The following ATP11B variants were observed in gnomAD, a reference collection of about 807,000 sequenced individuals.
The protein encoded by ATP11B is ATPase phospholipid transporting 11B (putative).
ATP11B carries 81 observed loss-of-function variants against 157.8 expected under a neutral mutation model. That is an observed-to-expected ratio of 0.51 (90% CI 0.43 to 0.62). The LOEUF (loss-of-function observed/expected upper bound fraction) is 0.62. Ranked by LOEUF, ATP11B falls within the 20% of genes least tolerant of loss-of-function variation. The probability of loss-of-function intolerance (pLI) is 0.00; values close to 1 mark genes in which losing one functional copy is unlikely to be tolerated. For missense variants in ATP11B, 1,165 were observed against 1,402.2 expected (o/e 0.83, Z 2.70); for synonymous variants, 451 against 469.4 (o/e 0.96, Z 0.51).
intron 8 of ATP11B, chr3:182,844,494 A>G (rs1304747109): frequency 1.2e-6 from 1 of 867,930 alleles, no homozygotes; most frequent in Non-Finnish European, 1.4e-6. Context: ...TATCACTAAG[A>G]AGATCAATTT....
At chr3:182,799,411 G>T (rs1417213330) in intron 1 of ATP11B, among the ~76,000 whole-genome samples, 1 of 151,832 alleles carries the variant, frequency 6.6e-6, no homozygotes, top group Non-Finnish European at 1.5e-5. Flanking sequence ...GGAGTAGCTG[G>T]GACTACAGGC....
chr3:182,802,870 T>G (rs1293361883), intron 1 of ATP11B, among the ~76,000 whole-genome samples: 1 of 152,208 alleles, frequency 6.6e-6, no homozygotes, highest in Admixed American at 6.5e-5. Context: ...GTGACACCAT[T>G]TCTTTCTCAT....
intron 12 of ATP11B, among the ~76,000 whole-genome samples, chr3:182,860,964 T>C (rs1016289930): frequency 3.3e-5 from 5 of 152,206 alleles, no homozygotes; most frequent in South Asian, 4.1e-4. Flanking sequence ...TAATGTGATA[T>C]ATGCGTTCCT....
intron 10 of ATP11B, among the ~76,000 whole-genome samples, chr3:182,850,949 TAGC>T (rs1719930850): frequency 6.6e-6 from 1 of 152,146 alleles, no homozygotes; most frequent in African/African-American, 2.4e-5. Context: ...ATCGTGTCAT[TAGC>T]AGCAACATGG....
intron 28 of ATP11B, among the ~76,000 whole-genome samples, chr3:182,899,298 A>G (rs193148833): frequency 1.3e-5 from 2 of 151,708 alleles, no homozygotes; most frequent in East Asian, 3.9e-4. Flanking sequence ...GATTACAGGC[A>G]CCTGCCTCCA....
At chr3:182,810,276 G>T (rs564606661) in intron 1 of ATP11B, among the ~76,000 whole-genome samples, 1 of 152,052 alleles carries the variant, frequency 6.6e-6, no homozygotes, top group African/African-American at 2.4e-5. Flanking sequence ...AGGTTGCAGC[G>T]AGCCGAGATG....
Position 182,898,685 on chromosome 3 carries a change from C to G in ATP11B, c.3231C>G (p.Ile1077Met). The G allele has an allele frequency of 6.2e-7, 1 of 1,607,714 alleles. No homozygotes were observed. The highest frequency in any genetic ancestry group is 8.5e-7 in the Non-Finnish European group (1 of 1,177,058). ...LSSGSAWFAIILMVVTCLFLD... is the reference protein window; with the variant it reads ...LSSGSAWFAIMLMVVTCLFLD... ...GTGGTTCTGCTTGGTTTGCCATAATCCTCATGGTTGTTACATGTCTATTTC... is the reference window on the plus strand; with the variant it reads ...GTGGTTCTGCTTGGTTTGCCATAATGCTCATGGTTGTTACATGTCTATTTC... The change falls in exon 28 of 30, where the codon ATC becomes ATG. Residue 1077 changes from isoleucine (I) to methionine (M), a missense_variant. Transcript: ENST00000323116.
At position 182,898,603 on chromosome 3, in the gene ATP11B, G is replaced by A. The variant is rs374517510; in HGVS notation, c.3153-4G>A. 3.8e-6 allele frequency: 6 copies of A among 1,578,926 alleles called. No individual in the cohort carries two copies. Among genetic ancestry groups the A allele is most frequent in the Non-Finnish European group, 5.2e-6 (6 of 1,164,010 alleles). ...TTTATTAAGCACATTTTCTTTCTTT[G>A]CAGGCCATTTTTGGGCTCCCAGAAT... On this transcript the variant is annotated splice_polypyrimidine_tract_variant and splice_region_variant and intron_variant, in intron 27 of 29. Transcript: ENST00000323116.
At chr3:182,868,526 T>C (rs1360493657) in intron 15 of ATP11B, among the ~76,000 whole-genome samples, 1 of 151,992 alleles carries the variant, frequency 6.6e-6, no homozygotes, top group Non-Finnish European at 1.5e-5. Context: ...CCACACAAAT[T>C]CTTTTACAGC....
rs375894000 is a variant in ATP11B at position 182,913,972 on chromosome 3, T to A, written c.3430T>A (p.Cys1144Ser). The A allele has an allele frequency of 1.1e-5, 17 of 1,613,956 alleles. No individual in the cohort carries two copies. Among genetic ancestry groups the A allele is most frequent in the Non-Finnish European group, 1.4e-5 (17 of 1,179,942 alleles). ...GRMLERVIGR[C>S]SPTHISRSWS... ...AATGCTGGAACGAGTTATAGGAAGATGTAGTCCAACCCACATCAGCAGGTG... is the reference window on the plus strand; with the variant it reads ...AATGCTGGAACGAGTTATAGGAAGAAGTAGTCCAACCCACATCAGCAGGTG... The change falls in exon 29 of 30, where the codon TGT becomes AGT. Residue 1144 changes from cysteine (C) to serine (S), a missense_variant. Around this residue, in one of 4 missense-constraint regions of ATP11B, gnomAD observed 303 missense variants for 296.3 expected, o/e 1.02. Transcript: ENST00000323116.
intron 2 of ATP11B, among the ~76,000 whole-genome samples, chr3:182,822,821 G>C (rs1326210164): frequency 6.6e-6 from 1 of 152,194 alleles, no homozygotes; most frequent in Non-Finnish European, 1.5e-5. Flanking sequence ...TAACTGGTGT[G>C]AGATGATATC....
rs1317620792 is a variant in ATP11B at position 182,793,663 on chromosome 3, C to G, written c.-97C>G. ...GGCGGCGGTAAGCGGAACTTCGGCC[C>G]GAGGGGCTCGCCCGCTCCCGCCTCT... is the stretch of plus-strand genomic sequence containing the variant. On this transcript the variant is annotated 5_prime_UTR_variant, in exon 1 of 30. Transcript: ENST00000323116. 5.2e-6 allele frequency: 4 copies of G among 772,234 alleles called. No individual in the cohort carries two copies. Among genetic ancestry groups the G allele is most frequent in the South Asian group, 2.5e-5 (1 of 39,948 alleles). The allele number at this position is 772,234 out of a possible 1,614,324, so 47.8% of individuals were successfully genotyped here.
chr3:182,817,953 A>T (rs1057428327), intron 1 of ATP11B, among the ~76,000 whole-genome samples: 12 of 152,156 alleles, frequency 7.9e-5, no homozygotes, highest in Non-Finnish European at 1.5e-5. Context: ...TTTCTTTTTT[A>T]AAAAAACTTT....
chr3:182,863,901 C>T (rs964251402), intron 12 of ATP11B, among the ~76,000 whole-genome samples: 2 of 151,976 alleles, frequency 1.3e-5, no homozygotes, highest in Admixed American at 6.6e-5. Flanking sequence ...TCCTGATCTA[C>T]ATGTGTGGGC....
chr3:182,876,298 G>A (rs1003178859), intron 19 of ATP11B, among the ~76,000 whole-genome samples: 3 of 152,210 alleles, frequency 2.0e-5, no homozygotes, highest in South Asian at 2.1e-4. Context: ...CTTATGCAGT[G>A]GTTAATAACA....
chr3:182,896,647 G>T, intron 25 of ATP11B, 53 bp from the exon 26 acceptor site: 1 of 1,458,082 alleles, frequency 6.9e-7, no homozygotes, highest in South Asian at 1.2e-5. Context: ...CTTTTTACCT[G>T]ACATTTAACA....
At chr3:182,832,787 A>C (rs1425490107) in intron 4 of ATP11B, among the ~76,000 whole-genome samples, 1 of 152,200 alleles carries the variant, frequency 6.6e-6, no homozygotes, top group Non-Finnish European at 1.5e-5. Context: ...CCACGATTCT[A>C]AAACCTATGA....
chr3:182,807,012 C>G (rs1279087381), intron 1 of ATP11B, among the ~76,000 whole-genome samples: 1 of 149,454 alleles, frequency 6.7e-6, no homozygotes, highest in Non-Finnish European at 1.5e-5. Context: ...AAATGATTAT[C>G]TTATGTTAAG....
intron 4 of ATP11B, among the ~76,000 whole-genome samples, chr3:182,830,442 A>G (rs1374047953): frequency 6.6e-6 from 1 of 152,244 alleles, no homozygotes; most frequent in Non-Finnish European, 1.5e-5. Context: ...AATTGACATT[A>G]AAATCTAGTT....
Sources: allele counts gnomAD v4.1 joint callset (sites outside exome capture counted in the v4.1 genomes callset), GRCh38; gene constraint gnomAD v4.1.1; regional missense constraint gnomAD v4.1.1; transcripts MANE v1.5; gene names NCBI Gene and HGNC (gene_info 2026-07-23, HGNC 2026-07-21).